FLNA: variants seen among roughly 807,000 people sequenced by gnomAD.
The protein encoded by FLNA is filamin-A.
FLNA carries 7 observed loss-of-function variants against 157.6 expected under a neutral mutation model. The observed-to-expected ratio is 0.04, with a 90% CI of 0.03 to 0.08. FLNA has a LOEUF of 0.08. Ranked by LOEUF, FLNA falls within the 10% of genes least tolerant of loss-of-function variation. The pLI, the probability that FLNA is intolerant of heterozygous loss-of-function variation, is 1.00. For synonymous variants in FLNA, 1,103 were observed against 1,060.8 expected, an observed-to-expected ratio of 1.04 and a Z score of -0.77; for missense variants, 1,750 against 2,398.4, an observed-to-expected ratio of 0.73 and a Z score of 5.65.
In FLNA at chrX:154,364,966, G is replaced by A. The variant is rs782548669; in HGVS notation, c.1692-9C>T. On this transcript the variant is annotated splice_polypyrimidine_tract_variant and intron_variant, in intron 11 of 47. Transcript: ENST00000369850. ...CCTTCACTTCGAAGGGACTGCAAATGCGAGAGCCACACAGGGAACACCGAG... is the reference window on the plus strand; with the variant it reads ...CCTTCACTTCGAAGGGACTGCAAATACGAGAGCCACACAGGGAACACCGAG... 8.3e-7 allele frequency: 1 copy of A among 1,211,167 alleles called. No homozygotes were observed. The highest frequency in any genetic ancestry group is 1.8e-5 in the South Asian group (1 of 57,007).
intron 30 of FLNA, among the ~76,000 whole-genome samples, chrX:154,356,984 C>T (rs1557176935): frequency 8.9e-6 from 1 of 111,805 alleles, no homozygotes; most frequent in African/African-American, 3.3e-5. Context: ...GGATGCACCT[C>T]ACCCCAAAGC....
At chrX:154,373,334 C>T (rs1557180741) in intron 1 of FLNA, among the ~76,000 whole-genome samples, 2 of 112,202 alleles carry the variant, frequency 1.8e-5, no homozygotes, top group African/African-American at 6.5e-5. Context: ...GACCAGTGGT[C>T]AATTCCAGCA....
At chrX:154,369,526 C>T (rs1288351170) in intron 2 of FLNA, among the ~76,000 whole-genome samples, 1 of 109,366 alleles carries the variant, frequency 9.1e-6, no homozygotes, top group Non-Finnish European at 1.9e-5. Context: ...TTTCCCCAGC[C>T]CCTGGGCCAG....
In FLNA at chrX:154,360,354, G is replaced by A; in HGVS notation, c.3441C>T (p.Gly1147=). ...GAACCACGTGGGCCTTGAATGGGGAGCCAGGGATGTGGGTGTCAGCGAAGA... is the reference window on the plus strand; with the variant it reads ...GAACCACGTGGGCCTTGAATGGGGAACCAGGGATGTGGGTGTCAGCGAAGA... ...NILFADTHIP[G]SPFKAHVVPC... Residue 1147 remains glycine, a synonymous_variant, in exon 22 of 48, where the codon GGC becomes GGT. Transcript: ENST00000369850. 7.4e-6 allele frequency: 9 copies of A among 1,211,670 alleles called. No homozygotes were observed. Among genetic ancestry groups the A allele is most frequent in the Non-Finnish European group, 1.0e-5 (9 of 895,583 alleles).
chrX:154,361,617 G>A (rs782252063), intron 20 of FLNA, 47 bp from the exon 21 acceptor site: 2 of 1,208,843 alleles, frequency 1.7e-6, no homozygotes, highest in South Asian at 3.5e-5. Flanking sequence ...ACCCAGCTCA[G>A]CCAATCCCTG....
rs377330443 is a variant in FLNA at position 154,354,612 on chromosome X, G to A, written c.5313+4C>T. ...CCCAGTGTCCCTAGCTGGCCAGGCC[G>A]TACCCAAGTCTGCTGGCCGCCCTGG... On this transcript the variant is annotated splice_donor_region_variant and intron_variant, in intron 32 of 47. Transcript: ENST00000369850. The A allele has an allele frequency of 4.2e-4, 504 of 1,195,884 alleles. No homozygotes were observed. Among genetic ancestry groups the A allele is most frequent in the Non-Finnish European group, 5.2e-4 (464 of 887,175 alleles).
At chrX:154,356,361 AGTCTT>A (rs1399978035) in intron 30 of FLNA, among the ~76,000 whole-genome samples, 1 of 111,458 alleles carries the variant, frequency 9.0e-6, no homozygotes, top group Non-Finnish European at 1.9e-5. Context: ...GAGGTTACTG[AGTCTT>A]GCTCCCACCC....
chrX:154,358,288 T>C lies in FLNA; in HGVS notation c.4666A>G (p.Asn1556Asp), dbSNP rs782605190. The C allele has an allele frequency of 9.9e-6, 12 of 1,209,606 alleles. No homozygotes were observed. The highest frequency in any genetic ancestry group is 1.2e-5 in the Non-Finnish European group (11 of 895,022). ...AGGCTGGCAGGCACGCCAGTGGTGT[T>C]GAGCCCGGGGCCACTGGCCTTCACC... ...SKVKASGPGLNTTGVPASLPV... is the reference protein window; with the variant it reads ...SKVKASGPGLDTTGVPASLPV... Residue 1556 changes from asparagine to aspartate, a missense_variant, in exon 28 of 48, where the codon AAC (asparagine) becomes GAC (aspartate). This residue lies in a region of FLNA where 970 missense variants were observed against 1,302.6 expected (regional missense o/e 0.74). Coordinates refer to ENST00000369850, the MANE Select transcript of FLNA (RefSeq NM_001110556.2).
At chrX:154,372,764 C>T (rs374494215) in intron 1 of FLNA, among the ~76,000 whole-genome samples, 2 of 108,367 alleles carry the variant, frequency 1.8e-5, no homozygotes, top group East Asian at 2.9e-4. Context: ...GGTATCTGTC[C>T]CTCCTGTTCA....
chrX:154,349,210 T>G (rs782702798), intron 47 of FLNA, 152 bp downstream of exon 47: 1 of 759,503 alleles, frequency 1.3e-6, no homozygotes, highest in African/African-American at 2.0e-5. Flanking sequence ...CTCCCTGGTC[T>G]TTGTTTGAGG....
chrX:154,360,090 G>A lies in FLNA; in HGVS notation c.3705C>T (p.Tyr1235=), dbSNP rs368741634. Residue 1235 remains tyrosine, a synonymous_variant, in exon 22 of 48, where the codon TAC becomes TAT. Coordinates refer to ENST00000369850, the MANE Select transcript of FLNA (RefSeq NM_001110556.2). ...GGAAGTTGGGCACGGGCTGGCCGCC[G>A]TACTTGATGGTGACGGTGTAGGCCC... ...CPGAYTVTIK[Y]GGQPVPNFPS... 2.1e-5 allele frequency: 25 copies of A among 1,210,046 alleles called. No individual in the cohort carries two copies. The highest frequency in any genetic ancestry group is 3.5e-5 in the African/African-American group (2 of 57,685).
chrX:154,356,012 T>C (rs184864582), intron 30 of FLNA, among the ~76,000 whole-genome samples: 7 of 112,498 alleles, frequency 6.2e-5, no homozygotes, highest in Admixed American at 1.9e-4. Flanking sequence ...CCTGCTGCAC[T>C]AGGCTCCATG....
rs782053327 is a variant in FLNA, at chrX:154,352,386, G to A, written c.6564C>T (p.Ala2188=). 10 of 1,210,996 alleles carry A rather than the reference G, an allele frequency of 8.3e-6. No individual in the cohort carries two copies. The East Asian group carries it at 1.2e-4, about 14-fold the overall frequency. The change falls in exon 41 of 48, where the codon GCC becomes GCT. Residue 2188 remains alanine (A), a synonymous_variant. Coordinates refer to ENST00000369850, the MANE Select transcript of FLNA (RefSeq NM_001110556.2). ...TGTGGTTCTCCCCTTCCACGATCTC[G>A]GCCTCATGGGTCTTGCCCGATGGGC... ...VTSPSGKTHE[A]EIVEGENHTY...
At chrX:154,355,100 G>T (rs782684603) in intron 30 of FLNA, 28 bp from the exon 31 acceptor site, 2 of 1,190,378 alleles carry the variant, frequency 1.7e-6, no homozygotes, top group African/African-American at 1.7e-5. Context: ...GTCCCCAAAG[G>T]GGGGCCAGCG....
At chrX:154,363,982 G>A (rs1481210786) in intron 15 of FLNA, 40 bp downstream of exon 15, 1 of 1,194,315 alleles carries the variant, frequency 8.4e-7, no homozygotes, top group Admixed American at 2.2e-5. Context: ...CTACGTGAAT[G>A]CTATCGAGAT....
chrX:154,351,500 G>A (rs1557175762), intron 43 of FLNA, 81 bp downstream of exon 43: 2 of 681,013 alleles, frequency 2.9e-6, no homozygotes, highest in South Asian at 4.5e-5. Context: ...CTGAACACAG[G>A]GCCAAGGCCT....
chrX:154,367,572 C>T lies in FLNA; in HGVS notation c.721-28G>A, dbSNP rs189693234. The stretch of plus-strand genomic sequence containing the variant: ...GTCACAGGCAGAAAACAGGAGCCAT[C>T]GGGCCTCCGAGTCTCTCCCAACTGC... On this transcript the variant is annotated intron_variant, in intron 4 of 47. Transcript: ENST00000369850. The T allele has an allele frequency of 4.7e-5, 57 of 1,209,834 alleles. No homozygotes were observed. In the East Asian group the frequency reaches 1.3e-3, roughly 27 times the overall value.
At chrX:154,350,490 T>G (rs2067610809) in intron 44 of FLNA, 1 of 412,332 alleles carries the variant, frequency 2.4e-6, no homozygotes, top group Middle Eastern at 6.7e-4. Flanking sequence ...CCATATCCCC[T>G]GCATGTTAAC....
chrX:154,359,725 C>A lies in FLNA; in HGVS notation c.3979+7G>T. 1 of 1,210,872 alleles carries A rather than the reference C, an allele frequency of 8.3e-7. No homozygotes were observed. Among genetic ancestry groups the A allele is most frequent in the East Asian group, 3.0e-5 (1 of 33,848 alleles). Reference sequence around the variant, plus strand: ...TCTGCCAGCCTGTGGGAGTCCCCAGCACGCACCCTCCTCGTAAGGCGTGTA... The same window carrying A: ...TCTGCCAGCCTGTGGGAGTCCCCAGAACGCACCCTCCTCGTAAGGCGTGTA... On this transcript the variant is annotated splice_region_variant and intron_variant, in intron 23 of 47. Transcript: ENST00000369850.
Sources: gnomAD v4.1 joint callset for allele counts (sites outside exome capture counted in the v4.1 genomes callset) on GRCh38, gnomAD v4.1.1 for gene constraint, gnomAD v4.1.1 regional missense constraint, MANE v1.5 for transcripts, NCBI Gene and HGNC (gene_info 2026-07-23, HGNC 2026-07-21) for gene names.